GTPBP6: variants seen among roughly 807,000 people sequenced by gnomAD.
The protein encoded by GTPBP6 is GTP binding protein 6, also known as putative GTP-binding protein 6.
A neutral mutation model predicts 28.9 loss-of-function variants in GTPBP6; 33 were observed. The observed-to-expected ratio is 1.14, with a 90% CI of 0.87 to 1.53. The LOEUF is 1.53. GTPBP6 is among the 40% of genes most tolerant of loss of function. The pLI, the probability that GTPBP6 is intolerant of heterozygous loss-of-function variation, is 0.00. For missense variants in GTPBP6, 507 were observed against 408.3 expected (o/e 1.24, Z -2.08); for synonymous variants, 231 against 192.7 (o/e 1.20, Z -1.65).
chrX:316,340 G>GACACACACACACACACACACACAC (rs1168593634), intron 2 of GTPBP6, among the ~76,000 whole-genome samples: 1 of 94,810 alleles, frequency 1.1e-5, no homozygotes, highest in Non-Finnish European at 2.2e-5. Context: ...TCCCATTGGG[G>GACACACACACACACACACACACAC]ACACACACAC....
At chrX:307,792 A>T (rs2070203620) in exon 8 of GTPBP6, 1 of 1,546,562 alleles carries the variant, frequency 6.5e-7, no homozygotes, top group Admixed American at 2.1e-5. Context: ...CGGGGCGGGC[A>T]GCTGCAGGCC....
At chrX:315,666 C>T (rs1186882612) in intron 2 of GTPBP6, among the ~76,000 whole-genome samples, 130 of 10,792 alleles carry the variant, frequency 0.012, no homozygotes, top group Admixed American at 0.02. Flanking sequence ...AAACACATCC[C>T]GGCAGGGACA....
At chrX:308,131 C>T (rs1263662598) in intron 7 of GTPBP6, among the ~76,000 whole-genome samples, 2 of 151,922 alleles carry the variant, frequency 1.3e-5, no homozygotes, top group Non-Finnish European at 2.9e-5. Flanking sequence ...CAGACCCACA[C>T]GCAAGGGGGT....
rs753405525 is a variant in GTPBP6, at chrX:309,110, C to T, written c.1126-1230G>A. 6.6e-5 allele frequency among the ~76,000 whole-genome samples: 10 copies of T among 152,230 alleles called. 1 individual carries two copies. In the South Asian group the frequency reaches 1.9e-3, roughly 28 times the overall value. On this transcript the variant is annotated intron_variant, in intron 7 of 9. Transcript: ENST00000326153. ...CATCTCCTCAAGGAGGTGGCAGCCG[C>T]GTCCGTTCTTTGGGACATTTGCTGC...
At chrX:311,840 G>A (rs1208856148) in intron 6 of GTPBP6, 24 of 601,254 alleles carry the variant, frequency 4.0e-5, no homozygotes, top group Admixed American at 3.9e-4. Flanking sequence ...CGGGGCCGCC[G>A]TGCGGACACG....
At chrX:308,991 C>T (rs769818065) in intron 7 of GTPBP6, among the ~76,000 whole-genome samples, 1 of 152,264 alleles carries the variant, frequency 6.6e-6, no homozygotes, top group African/African-American at 2.4e-5. Context: ...TCCCAAAGTG[C>T]TGGGATTGCA....
exon 9 of GTPBP6, chrX:307,403 G>T (rs2070193752): frequency 2.5e-6 from 4 of 1,612,588 alleles, no homozygotes; most frequent in Non-Finnish European, 3.4e-6. Flanking sequence ...GTGAGGATCT[G>T]TCTCCCCGTC....
At chrX:317,126 C>G (rs1482106775) in intron 1 of GTPBP6, 75 bp from the exon 2 acceptor site, 1 of 398,230 alleles carries the variant, frequency 2.5e-6, no homozygotes, top group African/African-American at 2.1e-5. Context: ...GGGGAGGCCT[C>G]CTCCTGCCCT....
At chrX:310,908 C>G (rs1182147779) in intron 7 of GTPBP6, among the ~76,000 whole-genome samples, 4 of 148,934 alleles carry the variant, frequency 2.7e-5, no homozygotes, top group Non-Finnish European at 5.9e-5. Context: ...GTGTCCGCCA[C>G]TGCCCGCACG....
chrX:315,101 C>G (rs2070405051), intron 3 of GTPBP6, 81 bp from the exon 4 acceptor site: 1 of 398,612 alleles, frequency 2.5e-6, no homozygotes, highest in Non-Finnish European at 4.4e-6. Flanking sequence ...GAGGACGTCT[C>G]TAATGCCTTA....
At chrX:313,362 G>A (rs1602970704) in intron 5 of GTPBP6, among the ~76,000 whole-genome samples, 4 of 152,260 alleles carry the variant, frequency 2.6e-5, no homozygotes. Context: ...CTAAGGCAAC[G>A]ACCTGTGTCC....
At chrX:314,202 C>G in exon 5 of GTPBP6, 1 of 1,613,516 alleles carries the variant, frequency 6.2e-7, no homozygotes. Flanking sequence ...GGGCGACGTC[C>G]CTTTTCAAGT....
chrX:307,598 G>A, intron 8 of GTPBP6, 86 bp from the exon 9 acceptor site: 1 of 1,489,206 alleles, frequency 6.7e-7, no homozygotes, highest in South Asian at 1.2e-5. Flanking sequence ...CTGCCCACGG[G>A]GCACAGTCTG....
chrX:312,837 C>G (rs780974479), exon 6 of GTPBP6: 6 of 1,612,766 alleles, frequency 3.7e-6, no homozygotes, highest in Non-Finnish European at 5.1e-6. Flanking sequence ...GAGCAGGTGC[C>G]TCTTCTTGCG....
chrX:317,563 G>GGGGAT (rs2070460229), intron 1 of GTPBP6, among the ~76,000 whole-genome samples: 2 of 82,188 alleles, frequency 2.4e-5, no homozygotes, highest in African/African-American at 1.5e-4. Context: ...CCTGGGGGGT[G>GGGGAT]GGGGGTGGGA....
intron 7 of GTPBP6, among the ~76,000 whole-genome samples, chrX:309,593 G>A (rs1274486990): frequency 1.3e-5 from 2 of 152,192 alleles, no homozygotes; most frequent in Non-Finnish European, 2.9e-5. Context: ...TGCAATGACA[G>A]GTGTCCTAGG....
At chrX:305,632 AT>A (rs61699986) in intron 9 of GTPBP6, among the ~76,000 whole-genome samples, 56,603 of 122,276 alleles carry the variant, frequency 0.46, 12,295 homozygotes, top group South Asian at 0.58. Flanking sequence ...TTTATTTTTT[AT>A]TTTTTTTTTT....
chrX:314,930 C>T (rs1168757575), exon 4 of GTPBP6: 11 of 398,654 alleles, frequency 2.8e-5, no homozygotes, highest in Non-Finnish European at 4.0e-5. Context: ...TGAAGCCGGG[C>T]CTCCTTCGTG....
Position 312,923 on chromosome X carries a change from TC to T in GTPBP6, c.758del (p.Gly253GlufsTer12). On this transcript the variant is annotated frameshift_variant and splice_region_variant, in exon 6 of 10. Transcript: ENST00000326153. LOFTEE classifies it high-confidence loss of function. ...GCTGCTGCAGCTGCATGAAGGATTC[TC>T]CTAAAAGACACCCGAGATGGTGAGG... 6.2e-7 allele frequency: 1 copy of T among 1,610,360 alleles called. No individual in the cohort carries two copies. The highest frequency in any genetic ancestry group is 8.5e-7 in the Non-Finnish European group (1 of 1,178,034).
Sources: allele counts gnomAD v4.1 joint callset (sites outside exome capture counted in the v4.1 genomes callset), GRCh38; gene constraint gnomAD v4.1.1; transcripts MANE v1.5; gene names NCBI Gene and HGNC (gene_info 2026-07-23, HGNC 2026-07-21).